MAGI2: variants seen among roughly 807,000 people sequenced by gnomAD.
MAGI2 encodes the protein membrane-associated guanylate kinase, WW and PDZ domain-containing protein 2.
MAGI2 carries 35 observed loss-of-function variants against 133.3 expected under a neutral mutation model. The observed-to-expected ratio is 0.26, with a 90% CI of 0.20 to 0.35. MAGI2 has a LOEUF of 0.35. Ranked by LOEUF, MAGI2 falls within the 10% of genes least tolerant of loss-of-function variation. The probability of loss-of-function intolerance (pLI) is 1.00; values close to 1 mark genes in which losing one functional copy is unlikely to be tolerated. For missense variants in MAGI2, 1,636 were observed against 1,863.4 expected, an observed-to-expected ratio of 0.88 and a Z score of 2.25; for synonymous variants, 729 against 710.6, an observed-to-expected ratio of 1.03 and a Z score of -0.41.
intron 1 of MAGI2, among the ~76,000 whole-genome samples, chr7:79,092,885 T>A (rs539715627): frequency 5.3e-4 from 80 of 152,266 alleles, no homozygotes; most frequent in Admixed American, 2.4e-3. Context: ...TTTTCCAGTC[T>A]CTTTTTGTAG....
chr7:78,612,513 A>G lies in MAGI2; in HGVS notation c.538+14607T>C, dbSNP rs376107025. The stretch of plus-strand genomic sequence containing the variant: ...GAATAAATGAAAACAAATAAACCAC[A>G]TTGTTTTTCCTCTGTTAAGGCAATA... On this transcript the variant is annotated intron_variant, in intron 3 of 21. Coordinates refer to ENST00000354212, the MANE Select transcript of MAGI2 (RefSeq NM_012301.4). Among the ~76,000 whole-genome samples the G allele has an allele frequency of 1.5e-4, 23 of 152,232 alleles. 1 individual carries two copies. In the East Asian group the frequency reaches 1.9e-3, roughly 13 times the overall value.
intron 1 of MAGI2, among the ~76,000 whole-genome samples, chr7:79,148,041 T>G (rs900370448): frequency 2.0e-5 from 3 of 152,192 alleles, no homozygotes; most frequent in African/African-American, 7.2e-5. Flanking sequence ...ACGGAAGTGT[T>G]GGCTTTGGAT....
At chr7:78,293,093 TTAAAC>T (rs1462914867) in intron 9 of MAGI2, among the ~76,000 whole-genome samples, 1 of 152,170 alleles carries the variant, frequency 6.6e-6, no homozygotes, top group Admixed American at 6.5e-5. Flanking sequence ...TGGGATCTAA[TTAAAC>T]TAAAGAGCTT....
intron 2 of MAGI2, among the ~76,000 whole-genome samples, chr7:78,990,901 T>TAC (rs768501719): frequency 6.4e-4 from 50 of 77,752 alleles, no homozygotes; most frequent in Non-Finnish European, 9.6e-4. Context: ...ATTTTATATG[T>TAC]ACATACACAC....
intron 3 of MAGI2, among the ~76,000 whole-genome samples, chr7:78,559,099 T>C (rs1444186034): frequency 9.0e-6 from 1 of 111,664 alleles, no homozygotes; most frequent in Admixed American, 1.4e-4. Flanking sequence ...TTACAATCAT[T>C]ACGACTCTAC....
intron 3 of MAGI2, among the ~76,000 whole-genome samples, chr7:78,523,078 G>A (rs1365942886): frequency 1.3e-5 from 2 of 152,156 alleles, no homozygotes; most frequent in Non-Finnish European, 2.9e-5. Flanking sequence ...GTCTGCAAAG[G>A]TCACTAAACA....
At chr7:78,733,906 C>G (rs28670448) in intron 2 of MAGI2, among the ~76,000 whole-genome samples, 2,563 of 152,180 alleles carry the variant, frequency 0.017, 58 homozygotes, top group African/African-American at 0.059. Context: ...CTGTAATGGT[C>G]ACATATCTGA....
At chr7:79,231,096 T>G (rs1831333178) in intron 1 of MAGI2, among the ~76,000 whole-genome samples, 1 of 133,424 alleles carries the variant, frequency 7.5e-6, no homozygotes, top group Non-Finnish European at 1.6e-5. Flanking sequence ...AAAGATCAGA[T>G]AGTTGTAGAT....
chr7:78,578,749 T>C (rs151297462), intron 3 of MAGI2, among the ~76,000 whole-genome samples: 2 of 152,294 alleles, frequency 1.3e-5, no homozygotes, highest in African/African-American at 4.8e-5. Flanking sequence ...TGTATTCCTC[T>C]ATTTGAATTG....
At chr7:78,664,738 A>C (rs1643148915) in intron 2 of MAGI2, among the ~76,000 whole-genome samples, 1 of 151,166 alleles carries the variant, frequency 6.6e-6, no homozygotes, top group African/African-American at 2.4e-5. Flanking sequence ...CTATTCTAAC[A>C]ATTATTAATA....
intron 1 of MAGI2, among the ~76,000 whole-genome samples, chr7:79,349,598 G>T (rs2129107957): frequency 6.6e-6 from 1 of 151,992 alleles, no homozygotes; most frequent in East Asian, 1.9e-4. Flanking sequence ...TGAGTAATTT[G>T]GTCAAGGTCC....
At chr7:78,710,578 G>T (rs1374013244) in intron 2 of MAGI2, among the ~76,000 whole-genome samples, 1 of 152,156 alleles carries the variant, frequency 6.6e-6, no homozygotes, top group Non-Finnish European at 1.5e-5. Flanking sequence ...GGGGGCTATT[G>T]CAAGGGTGGG....
At chr7:79,133,358 C>T (rs1585007868) in intron 1 of MAGI2, among the ~76,000 whole-genome samples, 1 of 152,136 alleles carries the variant, frequency 6.6e-6, no homozygotes, top group African/African-American at 2.4e-5. Flanking sequence ...CAATTACATT[C>T]TTCTGCATGT....
chr7:78,733,807 T>G (rs1304375757), intron 2 of MAGI2, among the ~76,000 whole-genome samples: 1 of 152,188 alleles, frequency 6.6e-6, no homozygotes, highest in Non-Finnish European at 1.5e-5. Context: ...GATCAATTTC[T>G]TACCACTAAT....
intron 2 of MAGI2, among the ~76,000 whole-genome samples, chr7:78,875,049 G>A (rs1795313209): frequency 6.6e-6 from 1 of 152,038 alleles, no homozygotes; most frequent in African/African-American, 2.4e-5. Context: ...ATAGAAATTA[G>A]GGACAAAATT....
intron 2 of MAGI2, among the ~76,000 whole-genome samples, chr7:78,867,367 A>C (rs1198325253): frequency 1.3e-5 from 2 of 150,728 alleles, no homozygotes; most frequent in African/African-American, 2.4e-5. Context: ...GCCATAAAAA[A>C]TGATGAGTTC....
At chr7:78,145,720 G>A (rs1823244282) in intron 16 of MAGI2, among the ~76,000 whole-genome samples, 1 of 152,150 alleles carries the variant, frequency 6.6e-6, no homozygotes, top group Non-Finnish European at 1.5e-5. Context: ...ATATATATCT[G>A]TTCATTGTAA....
chr7:79,107,210 G>A (rs142455771), intron 1 of MAGI2, among the ~76,000 whole-genome samples: 1 of 152,324 alleles, frequency 6.6e-6, no homozygotes, highest in African/African-American at 2.4e-5. Flanking sequence ...TGAGGTAGAA[G>A]TCAAAGAGAT....
rs1408129106 is a variant in MAGI2 at position 79,235,117 on chromosome 7, G to T, written c.301+217903C>A. 5.8e-4 allele frequency among the ~76,000 whole-genome samples: 88 copies of T among 151,856 alleles called. 3 individuals carry two copies. In the South Asian group the frequency reaches 0.018, roughly 31 times the overall value. On this transcript the variant is annotated intron_variant, in intron 1 of 21. Transcript: ENST00000354212. ...CAGTTAGGCTGCTCGGGGGTCAGGGGTCAGGGACCCACTTGAGGAGGCAGT... is the reference window on the plus strand; with the variant it reads ...CAGTTAGGCTGCTCGGGGGTCAGGGTTCAGGGACCCACTTGAGGAGGCAGT...
Sources: gnomAD v4.1 joint callset for allele counts (sites outside exome capture counted in the v4.1 genomes callset) on GRCh38, gnomAD v4.1.1 for gene constraint, MANE v1.5 for transcripts, NCBI Gene and HGNC (gene_info 2026-07-23, HGNC 2026-07-21) for gene names.